Variants in BAALC observed in about 807,000 individuals in gnomAD.
BAALC encodes brain and acute leukemia cytoplasmic protein.
BAALC carries 9 observed loss-of-function variants against 15.5 expected under a neutral mutation model. The ratio of observed to expected loss-of-function variants is 0.58; its 90% CI spans 0.35 to 1.02. The LOEUF (loss-of-function observed/expected upper bound fraction) is 1.02, where lower values mean the gene tolerates loss of function less well. BAALC is among the 50% of genes least tolerant of loss of function. The probability of loss-of-function intolerance (pLI) is 0.02; values close to 1 mark genes in which losing one functional copy is unlikely to be tolerated. For synonymous variants in BAALC, 80 were observed against 74.6 expected (o/e 1.07, Z -0.37); for missense variants, 201 against 192.4 (o/e 1.04, Z -0.27).
intron 1 of BAALC, among the ~76,000 whole-genome samples, chr8:103,155,644 T>G (rs1466063713): frequency 6.6e-6 from 1 of 152,234 alleles, no homozygotes; most frequent in Non-Finnish European, 1.5e-5. Context: ...AATCTGGTGC[T>G]GCCGTCCCAT....
chr8:103,214,568 A>T (rs1812518233), intron 2 of BAALC, among the ~76,000 whole-genome samples: 2 of 152,348 alleles, frequency 1.3e-5, no homozygotes, highest in South Asian at 4.1e-4. Flanking sequence ...CATATCAGTG[A>T]GTTGCCTCTC....
chr8:103,181,995 G>A (rs1474015469), intron 1 of BAALC, among the ~76,000 whole-genome samples: 1 of 152,164 alleles, frequency 6.6e-6, no homozygotes, highest in Non-Finnish European at 1.5e-5. Flanking sequence ...GGCTGACTCC[G>A]GATCCCTCTC....
intron 2 of BAALC, among the ~76,000 whole-genome samples, chr8:103,227,519 AAGAC>A (rs1202832636): frequency 2.0e-5 from 3 of 152,216 alleles, no homozygotes; most frequent in African/African-American, 7.2e-5. Context: ...GTATGGGACA[AAGAC>A]AGGACTAGGA....
intron 1 of BAALC, among the ~76,000 whole-genome samples, chr8:103,203,977 T>C (rs1170071070): frequency 6.6e-6 from 1 of 152,224 alleles, no homozygotes; most frequent in African/African-American, 2.4e-5. Context: ...ATGGTACCAC[T>C]ATGTTCAACC....
At chr8:103,172,582 C>T (rs537448822) in intron 1 of BAALC, among the ~76,000 whole-genome samples, 10 of 151,646 alleles carry the variant, frequency 6.6e-5, no homozygotes, top group Admixed American at 2.6e-4. Context: ...TTGGTAGAGA[C>T]GTGGTTTCTA....
intron 1 of BAALC, among the ~76,000 whole-genome samples, chr8:103,181,874 T>C (rs1395807704): frequency 6.6e-6 from 1 of 152,174 alleles, no homozygotes; most frequent in Non-Finnish European, 1.5e-5. Context: ...AGTTAAGAAC[T>C]CCAAATCCAT....
chr8:103,154,929 T>C (rs1217507826), intron 1 of BAALC, among the ~76,000 whole-genome samples: 1 of 150,234 alleles, frequency 6.7e-6, no homozygotes, highest in Non-Finnish European at 1.5e-5. Context: ...GCTATATATA[T>C]ATATATATAT....
At chr8:103,146,792 A>T (rs1212448507) in intron 1 of BAALC, among the ~76,000 whole-genome samples, 1 of 152,206 alleles carries the variant, frequency 6.6e-6, no homozygotes, top group Admixed American at 6.5e-5. Context: ...TGTTTCTTAA[A>T]ATCACTGCAA....
intron 1 of BAALC, among the ~76,000 whole-genome samples, chr8:103,164,088 G>T (rs899325932): frequency 5.3e-5 from 8 of 152,208 alleles, no homozygotes; most frequent in Non-Finnish European, 1.0e-4. Flanking sequence ...TAGCAGATTG[G>T]GTGGTAAGGC....
chr8:103,140,820 G>C lies in BAALC; in HGVS notation c.-78G>C, dbSNP rs1586364683. ...CGCCGCCGCCGCCTCCTTGCGGGCC[G>C]GGGCTGCGCCTCCGGGGCTGAGCCG... is the stretch of plus-strand genomic sequence containing the variant. On this transcript the variant is annotated 5_prime_UTR_variant, in exon 1 of 3. Coordinates refer to ENST00000309982, the MANE Select transcript of BAALC (RefSeq NM_024812.3). The surrounding 1 kb of genome is among the most constrained non-coding windows in gnomAD (Gnocchi z 4.2). The C allele has an allele frequency of 1.6e-6, 2 of 1,249,726 alleles. No individual in the cohort carries two copies. The highest frequency in any genetic ancestry group is 3.4e-5 in the East Asian group (1 of 29,290). The allele number at this position is 1,249,726 out of a possible 1,614,324, so 77.4% of individuals were successfully genotyped here. A position where few individuals can be genotyped will look rare whatever the true frequency, so the allele number is the denominator to read the frequency against.
chr8:103,180,405 G>A (rs1811700429), intron 1 of BAALC, among the ~76,000 whole-genome samples: 2 of 152,178 alleles, frequency 1.3e-5, no homozygotes, highest in Admixed American at 1.3e-4. Flanking sequence ...TGGCCTCAGA[G>A]AGGAAAGGGA....
At chr8:103,174,044 C>T (rs531335939) in intron 1 of BAALC, among the ~76,000 whole-genome samples, 1 of 152,240 alleles carries the variant, frequency 6.6e-6, no homozygotes, top group African/African-American at 2.4e-5. Context: ...AAACTGGAGG[C>T]CTTCACCCAT....
intron 1 of BAALC, among the ~76,000 whole-genome samples, chr8:103,193,996 A>G (rs1812034518): frequency 6.6e-6 from 1 of 152,236 alleles, no homozygotes; most frequent in Non-Finnish European, 1.5e-5. Flanking sequence ...GCCAATGAAG[A>G]AAGAAAAAGC....
intron 1 of BAALC, among the ~76,000 whole-genome samples, chr8:103,145,856 A>C (rs1810867867): frequency 6.6e-6 from 1 of 152,182 alleles, no homozygotes; most frequent in Non-Finnish European, 1.5e-5. Context: ...GACTTCAGTA[A>C]CCCAAATAAG....
rs776933773 is a variant in BAALC at position 103,141,063 on chromosome 8, T to C, written c.160+6T>C. ...AGCGGGCGGCCTGCACTCGGGTAAG[T>C]GGCCGGGCCCCTGCAGACCCTCGCC... On this transcript the variant is annotated splice_donor_region_variant and intron_variant, in intron 1 of 2. Coordinates refer to ENST00000309982, the MANE Select transcript of BAALC (RefSeq NM_024812.3). 6.7e-7 allele frequency: 1 copy of C among 1,482,834 alleles called. No homozygotes were observed. Among genetic ancestry groups the C allele is most frequent in the South Asian group, 1.3e-5 (1 of 76,220 alleles). The allele number at this position is 1,482,834 out of a possible 1,614,324, so 91.9% of individuals were successfully genotyped here.
At position 103,207,909 on chromosome 8, in the gene BAALC, C is replaced by T. The variant is rs560161042; in HGVS notation, c.161-5010C>T. On this transcript the variant is annotated intron_variant, in intron 1 of 2. Transcript: ENST00000309982. ...AAATAAAATCCATGCAGCAAAATCA[C>T]CTGGTTTGTTACAGATAGAAGTAAC... 8.5e-5 allele frequency among the ~76,000 whole-genome samples: 13 copies of T among 152,288 alleles called. No homozygotes were observed. In the South Asian group the frequency reaches 1.2e-3, roughly 15 times the overall value.
chr8:103,225,367 C>T (rs991268324), intron 2 of BAALC, among the ~76,000 whole-genome samples: 1 of 152,188 alleles, frequency 6.6e-6, no homozygotes, highest in African/African-American at 2.4e-5. Context: ...TCAAAATTAT[C>T]CTTAAATGTT....
At chr8:103,163,307 A>G (rs1220876988) in intron 1 of BAALC, among the ~76,000 whole-genome samples, 1 of 152,072 alleles carries the variant, frequency 6.6e-6, no homozygotes, top group Non-Finnish European at 1.5e-5. Flanking sequence ...GCTCTCCCAG[A>G]AGACTCACCT....
intron 2 of BAALC, among the ~76,000 whole-genome samples, chr8:103,218,616 T>C (rs1812613295): frequency 6.6e-6 from 1 of 152,124 alleles, no homozygotes; most frequent in Admixed American, 6.5e-5. Context: ...AATGTATATG[T>C]GGCCATAGCT....
Sources: allele counts gnomAD v4.1 joint callset (sites outside exome capture counted in the v4.1 genomes callset), GRCh38; gene constraint gnomAD v4.1.1; non-coding constraint Gnocchi (gnomAD v3.1); transcripts MANE v1.5; gene names NCBI Gene and HGNC (gene_info 2026-07-23, HGNC 2026-07-21).